The following MSRB3 variants were observed in gnomAD, a reference collection of about 807,000 sequenced individuals.
MSRB3 encodes the protein methionine sulfoxide reductase B3.
MSRB3 carries 13 observed loss-of-function variants against 21.0 expected under a neutral mutation model. That is an observed-to-expected ratio of 0.62 (90% CI 0.40 to 0.98). The LOEUF (loss-of-function observed/expected upper bound fraction) is 0.98. MSRB3 is among the 50% of genes least tolerant of loss of function. The probability of loss-of-function intolerance (pLI) is 0.00; values close to 1 mark genes in which losing one functional copy is unlikely to be tolerated. For synonymous variants in MSRB3, 87 were observed against 88.6 expected (o/e 0.98, Z 0.10); for missense variants, 199 against 230.3 (o/e 0.86, Z 0.88).
chr12:65,439,616 T>C (rs886960786), intron 5 of MSRB3, among the ~76,000 whole-genome samples: 9 of 151,526 alleles, frequency 5.9e-5, no homozygotes, highest in Admixed American at 5.9e-4. Context: ...GAGATAAATA[T>C]CTAACTCTAT....
intron 5 of MSRB3, among the ~76,000 whole-genome samples, chr12:65,388,139 TA>T (rs201510433): frequency 3.6e-4 from 54 of 151,790 alleles, no homozygotes; most frequent in East Asian, 1.5e-3. Context: ...TTAACAAGTT[TA>T]AAAAAAAATG....
chr12:65,419,171 T>A, intron 5 of MSRB3: 1 of 693,052 alleles, frequency 1.4e-6, no homozygotes, highest in Non-Finnish European at 2.6e-6. Flanking sequence ...GCCAACTGCA[T>A]GGTGACCACT....
intron 5 of MSRB3, among the ~76,000 whole-genome samples, chr12:65,394,995 A>G (rs1377702519): frequency 2.0e-5 from 3 of 152,206 alleles, no homozygotes; most frequent in Non-Finnish European, 4.4e-5. Context: ...TCCCCAAAAC[A>G]AAGATGTCAG....
intron 5 of MSRB3, among the ~76,000 whole-genome samples, chr12:65,390,841 T>C (rs182833959): frequency 1.2e-3 from 186 of 152,324 alleles, no homozygotes; most frequent in African/African-American, 4.1e-3. Flanking sequence ...TTATTATCTT[T>C]CTTATAGTTT....
At chr12:65,367,660 C>G (rs954464427) in intron 4 of MSRB3, among the ~76,000 whole-genome samples, 1 of 152,060 alleles carries the variant, frequency 6.6e-6, no homozygotes, top group Non-Finnish European at 1.5e-5. Flanking sequence ...GGTGGAAACA[C>G]AGGGGAGGGC....
At chr12:65,341,455 G>A (rs1876136030) in intron 4 of MSRB3, among the ~76,000 whole-genome samples, 1 of 151,706 alleles carries the variant, frequency 6.6e-6, no homozygotes, top group African/African-American at 2.4e-5. Flanking sequence ...ACAAAAAATG[G>A]TTATGAAGAA....
chr12:65,355,274 G>T (rs138608844), intron 4 of MSRB3, among the ~76,000 whole-genome samples: 1 of 151,910 alleles, frequency 6.6e-6, no homozygotes, highest in East Asian at 1.9e-4. Flanking sequence ...AAGTATGCTT[G>T]CCTAGAGTAG....
At chr12:65,361,205 A>G (rs530964843) in intron 4 of MSRB3, among the ~76,000 whole-genome samples, 13 of 152,202 alleles carry the variant, frequency 8.5e-5, no homozygotes, top group African/African-American at 3.1e-4. Context: ...TCAACTTCTA[A>G]TATGTGTCAG....
chr12:65,440,794 A>C (rs929073466), intron 5 of MSRB3, among the ~76,000 whole-genome samples: 1 of 151,884 alleles, frequency 6.6e-6, no homozygotes, highest in African/African-American at 2.4e-5. Context: ...AAATATATAC[A>C]TTGATTGATT....
intron 5 of MSRB3, among the ~76,000 whole-genome samples, chr12:65,452,032 G>T (rs2136699655): frequency 6.6e-6 from 1 of 152,230 alleles, no homozygotes; most frequent in Admixed American, 6.5e-5. Context: ...AATATAAGAT[G>T]CAATGTAGCA....
chr12:65,391,357 C>T (rs1041302119), intron 5 of MSRB3, among the ~76,000 whole-genome samples: 1 of 152,146 alleles, frequency 6.6e-6, no homozygotes, highest in Non-Finnish European at 1.5e-5. Context: ...TGAGTTGGCT[C>T]CTTCCCCAGA....
At chr12:65,453,677 G>C in intron 5 of MSRB3, 51 bp from the exon 6 acceptor site, 1 of 1,319,200 alleles carries the variant, frequency 7.6e-7, no homozygotes, top group African/African-American at 1.5e-5. Context: ...TCTAACCCAA[G>C]GCTGTGTATC....
chr12:65,345,896 T>C (rs568186648), intron 4 of MSRB3, among the ~76,000 whole-genome samples: 3 of 152,296 alleles, frequency 2.0e-5, no homozygotes, highest in East Asian at 3.9e-4. Flanking sequence ...TCCACGTCCC[T>C]ACAAAGGACG....
chr12:65,286,718 A>G lies in MSRB3; in HGVS notation c.-52+7853A>G, dbSNP rs565322958. ...TGTGCTACATGGTAGAATCTATTAA[A>G]AAAAAAAAAACACTCAGGCAAGGCA... is the stretch of plus-strand genomic sequence containing the variant. On this transcript the variant is annotated intron_variant, in intron 1 of 6. Coordinates refer to ENST00000308259, the MANE Select transcript of MSRB3 (RefSeq NM_001031679.3). 10 of 151,600 alleles carry G rather than the reference A, an allele frequency of 6.6e-5. No individual in the cohort carries two copies. In the East Asian group the frequency reaches 1.9e-3, roughly 29 times the overall value. The allele number at this position is 151,600 out of a possible 1,614,324, so 9.4% of individuals were successfully genotyped here. A position where few individuals can be genotyped will look rare whatever the true frequency, so the allele number is the denominator to read the frequency against.
chr12:65,335,092 T>G (rs925688117), intron 4 of MSRB3, among the ~76,000 whole-genome samples: 2 of 152,156 alleles, frequency 1.3e-5, no homozygotes, highest in Non-Finnish European at 2.9e-5. Context: ...AGGCCAGATG[T>G]GTGATCTCAG....
chr12:65,349,229 G>A (rs921736636), intron 4 of MSRB3, among the ~76,000 whole-genome samples: 5 of 152,048 alleles, frequency 3.3e-5, no homozygotes, highest in African/African-American at 1.2e-4. Flanking sequence ...CCCTACAAAG[G>A]ACATGAACTC....
At chr12:65,418,772 C>T in intron 5 of MSRB3, 1 of 956,030 alleles carries the variant, frequency 1.0e-6, no homozygotes, top group Non-Finnish European at 1.7e-6. Flanking sequence ...ACTTTGCCAT[C>T]CACTGTCTGG....
intron 5 of MSRB3, among the ~76,000 whole-genome samples, chr12:65,424,603 CAT>C (rs896361691): frequency 2.0e-5 from 3 of 151,990 alleles, no homozygotes; most frequent in Non-Finnish European, 2.9e-5. Flanking sequence ...AACTTCTTCA[CAT>C]GTGTGAATTT....
intron 4 of MSRB3, among the ~76,000 whole-genome samples, chr12:65,362,069 C>T (rs1877741307): frequency 6.6e-6 from 1 of 151,974 alleles, no homozygotes. Context: ...ATAGAAATAC[C>T]CAAGTAAAAG....
Sources: gnomAD v4.1 joint callset for allele counts (sites outside exome capture counted in the v4.1 genomes callset) on GRCh38, gnomAD v4.1.1 for gene constraint, MANE v1.5 for transcripts, NCBI Gene and HGNC (gene_info 2026-07-23, HGNC 2026-07-21) for gene names.